The following DAO variants were observed in gnomAD, a reference collection of about 807,000 sequenced individuals.
DAO encodes the protein D-amino acid oxidase, also known as D-amino-acid oxidase.
A neutral mutation model predicts 50.1 loss-of-function variants in DAO; 51 were observed. That is an observed-to-expected ratio of 1.02 (90% CI 0.81 to 1.29). The LOEUF (loss-of-function observed/expected upper bound fraction) is 1.29, where lower values mean the gene tolerates loss of function less well. Ranked by LOEUF, DAO falls within the 50% of genes most tolerant of loss-of-function variation. DAO has a pLI of 0.00. For missense variants in DAO, 436 were observed against 439.4 expected (o/e 0.99, Z 0.07); for synonymous variants, 160 against 166.2 (o/e 0.96, Z 0.29).
At chr12:108,892,223 C>T (rs1197095302) in intron 5 of DAO, among the ~76,000 whole-genome samples, 4 of 137,638 alleles carry the variant, frequency 2.9e-5, no homozygotes, top group Admixed American at 7.8e-5. Context: ...AGAGCAGTGG[C>T]GCAATCTCGG....
chr12:108,884,901 C>A, intron 1 of DAO, 97 bp from the exon 2 acceptor site: 2 of 1,147,018 alleles, frequency 1.7e-6, no homozygotes, highest in Non-Finnish European at 2.6e-6. Context: ...TTGGTGGTGT[C>A]TGGCACCTTC....
Position 108,884,978 on chromosome 12 carries a change from T to C in DAO, c.-9-20T>C. The C allele has an allele frequency of 6.2e-7, 1 of 1,612,540 alleles. No individual in the cohort carries two copies. The highest frequency in any genetic ancestry group is 8.5e-7 in the Non-Finnish European group (1 of 1,178,610). On this transcript the variant is annotated intron_variant, in intron 1 of 10. Coordinates refer to ENST00000228476, the MANE Select transcript of DAO (RefSeq NM_001917.5). ...GAGATGATGGTGATGATGTTGTGCC[T>C]CAACCCTTCCTTCCCACAGGCTGCT...
chr12:108,883,618 A>G, intron 1 of DAO: 1 of 456,634 alleles, frequency 2.2e-6, no homozygotes, highest in Non-Finnish European at 4.4e-6. Context: ...TGAGATTGGG[A>G]TTAACCCTGT....
chr12:108,897,013 C>A lies in DAO; in HGVS notation c.620C>A (p.Ala207Asp). ...CCTGCCCTGAATCAACAGGTGGACG[C>A]CCCTTGGATGAAGCACTTCATTCTC... ...PGRGQIMKVD[A>D]PWMKHFILTH... is the part of the protein sequence containing the mutation. Residue 207 changes from alanine to aspartate, a missense_variant, in exon 8 of 11, where the codon GCC (alanine) becomes GAC (aspartate). By Grantham distance (126) the Ala-to-Asp change is moderately radical. Transcript: ENST00000228476. 1.2e-6 allele frequency: 2 copies of A among 1,613,596 alleles called. No individual in the cohort carries two copies. The highest frequency in any genetic ancestry group is 1.1e-5 in the South Asian group (1 of 91,072).
At chr12:108,895,369 G>A (rs1178032191) in intron 7 of DAO, among the ~76,000 whole-genome samples, 1 of 148,876 alleles carries the variant, frequency 6.7e-6, no homozygotes, top group Non-Finnish European at 1.5e-5. Flanking sequence ...GTGAGGGTGT[G>A]TGCATATGTG....
At position 108,893,390 on chromosome 12, in the gene DAO, A is replaced by G. The variant is rs370363169; in HGVS notation, c.507+354A>G. Among the ~76,000 whole-genome samples, 515 of 152,268 alleles carry G rather than the reference A, an allele frequency of 3.4e-3. 4 individuals carry two copies. The highest frequency in any genetic ancestry group is 0.019 in the South Asian group (91 of 4,828). On this transcript the variant is annotated intron_variant, in intron 6 of 10. Transcript: ENST00000228476. The stretch of plus-strand genomic sequence containing the variant: ...CCGACATCTGTGTTGGTCTTTCTGC[A>G]AAGTCCAGGCCCTCAGCTGACTCAC...
rs1252809852 is a variant in DAO, at chr12:108,897,005, G to A, written c.613-1G>A. 2.5e-6 allele frequency: 4 copies of A among 1,613,272 alleles called. No individual in the cohort carries two copies. Among genetic ancestry groups the A allele is most frequent in the Admixed American group, 3.3e-5 (2 of 60,020 alleles). ...GAGACTTTCCTGCCCTGAATCAACA[G>A]GTGGACGCCCCTTGGATGAAGCACT... On this transcript the variant is annotated splice_acceptor_variant, in intron 7 of 10. Transcript: ENST00000228476. LOFTEE classifies it high-confidence loss of function.
chr12:108,881,683 C>T lies in DAO; in HGVS notation c.-10+1459C>T, dbSNP rs111702643. Among the ~76,000 whole-genome samples, 844 of 146,972 alleles carry T rather than the reference C, an allele frequency of 5.7e-3. 5 individuals carry two copies. The highest frequency in any genetic ancestry group is 0.02 in the African/African-American group (806 of 40,004). On this transcript the variant is annotated intron_variant, in intron 1 of 10. Transcript: ENST00000228476. ...GCAATGGCATGATTTCTGCCCACTG[C>T]AATCTCCACCTCCCAGGTTCAAGGG...
At chr12:108,893,162 G>C in intron 6 of DAO, 126 bp downstream of exon 6, 1 of 788,062 alleles carries the variant, frequency 1.3e-6, no homozygotes, top group East Asian at 2.7e-5. Context: ...TCAGACCCTT[G>C]CCCCAGAAGC....
chr12:108,889,335 C>T, intron 3 of DAO, 134 bp from the exon 4 acceptor site: 1 of 632,384 alleles, frequency 1.6e-6, no homozygotes. Flanking sequence ...GTCTGGAGCT[C>T]CTGACCTCAG....
chr12:108,889,396 C>A, intron 3 of DAO, 73 bp from the exon 4 acceptor site: 1 of 1,038,510 alleles, frequency 9.6e-7, no homozygotes, highest in Non-Finnish European at 1.5e-6. Context: ...AGGTGTGAGC[C>A]ACCTCGCCTG....
intron 7 of DAO, among the ~76,000 whole-genome samples, chr12:108,894,866 C>T (rs61935489): frequency 6.6e-6 from 1 of 152,122 alleles, no homozygotes; most frequent in Non-Finnish European, 1.5e-5. Flanking sequence ...GCGCATGCCA[C>T]CACCATGCTC....
intron 1 of DAO, chr12:108,880,444 A>T (rs2039364441): frequency 3.3e-6 from 1 of 301,690 alleles, no homozygotes; most frequent in Non-Finnish European, 6.6e-6. Context: ...GAACATGGGG[A>T]TCATAACTCC....
intron 8 of DAO, 84 bp downstream of exon 8, chr12:108,897,172 T>C: frequency 4.4e-6 from 4 of 903,962 alleles, no homozygotes; most frequent in Non-Finnish European, 7.4e-6. Context: ...AGCTCCTTAC[T>C]CCCTGCAGTT....
Position 108,900,484 on chromosome 12 carries a change from G to T in DAO, c.993G>T (p.Gly331=). The T allele has an allele frequency of 6.2e-7, 1 of 1,614,156 alleles. No individual in the cohort carries two copies. The highest frequency in any genetic ancestry group is 1.1e-5 in the South Asian group (1 of 91,074). ...CCCTGGAGGCAGCCAAGCTCTTTGGGAGAATCCTGGAAGAAAAGAAATTGT... is the reference window on the plus strand; with the variant it reads ...CCCTGGAGGCAGCCAAGCTCTTTGGTAGAATCCTGGAAGAAAAGAAATTGT... ...GCALEAAKLF[G]RILEEKKLSR... The change falls in exon 11 of 11, where the codon GGG becomes GGT. Residue 331 remains glycine (G), a synonymous_variant. Coordinates refer to ENST00000228476, the MANE Select transcript of DAO (RefSeq NM_001917.5).
chr12:108,898,581 G>T, intron 8 of DAO, 98 bp from the exon 9 acceptor site: 1 of 829,414 alleles, frequency 1.2e-6, no homozygotes, highest in Non-Finnish European at 2.2e-6. Flanking sequence ...AGTGATGGTG[G>T]TGGTGTTAGC....
chr12:108,891,327 G>C (rs1434709271), intron 5 of DAO, among the ~76,000 whole-genome samples: 1 of 151,744 alleles, frequency 6.6e-6, no homozygotes, highest in Non-Finnish European at 1.5e-5. Flanking sequence ...GTGCATGCCT[G>C]TAGTCACAGC....
intron 2 of DAO, among the ~76,000 whole-genome samples, chr12:108,885,538 A>G (rs1265528623): frequency 2.6e-5 from 4 of 152,120 alleles, no homozygotes; most frequent in Non-Finnish European, 5.9e-5. Flanking sequence ...TGAGCCTAGG[A>G]GGTGAAGGTG....
intron 6 of DAO, among the ~76,000 whole-genome samples, chr12:108,893,870 CAGA>C (rs2039517749): frequency 6.6e-6 from 1 of 152,112 alleles, no homozygotes; most frequent in Non-Finnish European, 1.5e-5. Flanking sequence ...TAAAAGGAGT[CAGA>C]AGGAGAAAGA....
Sources: gnomAD v4.1 joint callset for allele counts (sites outside exome capture counted in the v4.1 genomes callset) on GRCh38, gnomAD v4.1.1 for gene constraint, MANE v1.5 for transcripts, NCBI Gene and HGNC (gene_info 2026-07-23, HGNC 2026-07-21) for gene names.